PTPRD: variants seen among roughly 807,000 people sequenced by gnomAD.
The protein encoded by PTPRD is protein tyrosine phosphatase receptor type D.
In PTPRD, 34 loss-of-function variants were observed where a neutral mutation model predicts 214.5. The ratio of observed to expected loss-of-function variants is 0.16; its 90% CI spans 0.12 to 0.21. PTPRD has a LOEUF of 0.21. PTPRD is among the 10% of genes least tolerant of loss of function. PTPRD has a pLI of 1.00. For missense variants in PTPRD, 2,545 were observed against 2,398.7 expected (o/e 1.06, Z -1.27); for synonymous variants, 1,128 against 845.7 (o/e 1.33, Z -5.79).
intron 3 of PTPRD, among the ~76,000 whole-genome samples, chr9:10,237,789 T>C (rs1016599108): frequency 6.6e-6 from 1 of 151,892 alleles, no homozygotes; most frequent in Non-Finnish European, 1.5e-5. Flanking sequence ...TGATGCAACA[T>C]AGCATCACCA....
intron 7 of PTPRD, among the ~76,000 whole-genome samples, chr9:9,633,292 AC>A (rs1235909902): frequency 2.6e-5 from 4 of 151,158 alleles, no homozygotes; most frequent in Non-Finnish European, 5.9e-5. Context: ...AGAGAGTGAG[AC>A]TCCATCTCAG....
intron 9 of PTPRD, among the ~76,000 whole-genome samples, chr9:9,250,569 T>A (rs1378149617): frequency 6.6e-6 from 1 of 152,062 alleles, no homozygotes; most frequent in Non-Finnish European, 1.5e-5. Context: ...CAGGTAAAGG[T>A]GATTTTCATG....
At chr9:8,734,315 AC>A (rs2098693690) in intron 11 of PTPRD, among the ~76,000 whole-genome samples, 1 of 152,240 alleles carries the variant, frequency 6.6e-6, no homozygotes, top group Non-Finnish European at 1.5e-5. Flanking sequence ...AAAGAAGCAC[AC>A]CAGTGCTATG....
intron 2 of PTPRD, among the ~76,000 whole-genome samples, chr9:10,464,146 C>A (rs1338148043): frequency 6.6e-6 from 1 of 151,922 alleles, no homozygotes; most frequent in African/African-American, 2.4e-5. Flanking sequence ...GCCTGTAATC[C>A]CAGCACTCTT....
At position 9,260,372 on chromosome 9, in the gene PTPRD, C is replaced by T. The variant is rs2099979561; in HGVS notation, c.-202-77009G>A. On this transcript the variant is annotated intron_variant, in intron 9 of 45. Coordinates refer to ENST00000381196, the MANE Select transcript of PTPRD (RefSeq NM_002839.4). Reference sequence around the variant, plus strand: ...CATGATTCAAGTAGAAAACCGAAATCACGTTTATTAAAATTACCTATTTCT... The same window carrying T: ...CATGATTCAAGTAGAAAACCGAAATTACGTTTATTAAAATTACCTATTTCT... 2.0e-5 allele frequency among the ~76,000 whole-genome samples: 3 copies of T among 151,848 alleles called. No individual in the cohort carries two copies. The South Asian group carries it at 6.2e-4, about 31-fold the overall frequency.
At chr9:10,047,702 G>A (rs999224152) in intron 3 of PTPRD, among the ~76,000 whole-genome samples, 6 of 152,080 alleles carry the variant, frequency 3.9e-5, no homozygotes, top group Non-Finnish European at 5.9e-5. Context: ...AAAACACTGG[G>A]AAATTAAGTT....
At chr9:8,406,446 T>C (rs1480262242) in intron 35 of PTPRD, among the ~76,000 whole-genome samples, 3 of 152,220 alleles carry the variant, frequency 2.0e-5, no homozygotes, top group African/African-American at 7.2e-5. Flanking sequence ...CCACTCTTCA[T>C]ACTGCTGCCA....
intron 9 of PTPRD, among the ~76,000 whole-genome samples, chr9:9,269,372 T>C (rs545199041): frequency 6.6e-6 from 1 of 151,140 alleles, no homozygotes; most frequent in Admixed American, 6.6e-5. Context: ...GGTGAGAGTG[T>C]GGAAAAAAAA....
intron 2 of PTPRD, among the ~76,000 whole-genome samples, chr9:10,562,551 C>T (rs1167887304): frequency 6.6e-6 from 1 of 151,966 alleles, no homozygotes; most frequent in Non-Finnish European, 1.5e-5. Context: ...TCTTGAAATC[C>T]TGAATAATTA....
intron 3 of PTPRD, among the ~76,000 whole-genome samples, chr9:10,251,176 C>T (rs928248754): frequency 6.6e-6 from 1 of 152,080 alleles, no homozygotes; most frequent in Admixed American, 6.6e-5. Flanking sequence ...AAATAACATG[C>T]TCAAAACAGT....
intron 12 of PTPRD, among the ~76,000 whole-genome samples, chr9:8,662,641 G>C (rs963623824): frequency 1.1e-4 from 17 of 152,168 alleles, no homozygotes; most frequent in Middle Eastern, 3.4e-3. Flanking sequence ...CAGTAGCATA[G>C]ACTCACCAAT....
intron 7 of PTPRD, among the ~76,000 whole-genome samples, chr9:9,699,858 T>C (rs1299587321): frequency 6.6e-6 from 1 of 152,208 alleles, no homozygotes; most frequent in Non-Finnish European, 1.5e-5. Context: ...AGAGTCAGCA[T>C]ACCAGCTGCT....
At chr9:8,819,963 T>C (rs1770924075) in intron 11 of PTPRD, among the ~76,000 whole-genome samples, 1 of 152,132 alleles carries the variant, frequency 6.6e-6, no homozygotes, top group Non-Finnish European at 1.5e-5. Flanking sequence ...ACAATTGAGT[T>C]GAGTGCCCTT....
intron 9 of PTPRD, among the ~76,000 whole-genome samples, chr9:9,287,267 T>G (rs963139952): frequency 6.6e-6 from 1 of 151,762 alleles, no homozygotes; most frequent in Non-Finnish European, 1.5e-5. Flanking sequence ...AATGTTGGCA[T>G]AAATGTTTAT....
rs115020146 is a variant in PTPRD, at chr9:10,519,753, C to T, written c.-600+92645G>A. 9.0e-3 allele frequency among the ~76,000 whole-genome samples: 1,361 copies of T among 151,992 alleles called. 32 individuals carry two copies. Among genetic ancestry groups the T allele is most frequent in the African/African-American group, 0.031 (1,279 of 41,442 alleles). On this transcript the variant is annotated intron_variant, in intron 2 of 45. Coordinates refer to ENST00000381196, the MANE Select transcript of PTPRD (RefSeq NM_002839.4). Reference sequence around the variant, plus strand: ...ATTATTATTATTATTATATCTGTTACGGTGATTTGTGATCAGAGAATCTTT... The same window carrying T: ...ATTATTATTATTATTATATCTGTTATGGTGATTTGTGATCAGAGAATCTTT...
intron 35 of PTPRD, among the ~76,000 whole-genome samples, chr9:8,406,503 T>C (rs1417783001): frequency 6.6e-6 from 1 of 152,246 alleles, no homozygotes; most frequent in East Asian, 1.9e-4. Flanking sequence ...GCTGCCTGTT[T>C]AATAACTTCC....
chr9:9,401,508 G>A (rs1010590342), intron 8 of PTPRD, among the ~76,000 whole-genome samples: 1 of 152,014 alleles, frequency 6.6e-6, no homozygotes, highest in Non-Finnish European at 1.5e-5. Context: ...TAATTGGTAT[G>A]ACTGACCTTA....
intron 2 of PTPRD, among the ~76,000 whole-genome samples, chr9:10,610,379 G>A (rs1349967974): frequency 6.6e-6 from 1 of 152,084 alleles, no homozygotes; most frequent in Non-Finnish European, 1.5e-5. Context: ...CAAAAAGAAT[G>A]CACAAATCTG....
intron 7 of PTPRD, among the ~76,000 whole-genome samples, chr9:9,595,405 CAT>C (rs1215637919): frequency 1.4e-5 from 2 of 143,772 alleles, no homozygotes; most frequent in African/African-American, 5.4e-5. Flanking sequence ...TACATATATA[CAT>C]ATATATACAA....
Sources: gnomAD v4.1 joint callset for allele counts (sites outside exome capture counted in the v4.1 genomes callset) on GRCh38, gnomAD v4.1.1 for gene constraint, MANE v1.5 for transcripts, NCBI Gene and HGNC (gene_info 2026-07-23, HGNC 2026-07-21) for gene names.